The following TBXAS1 variants were observed in gnomAD, a reference collection of about 807,000 sequenced individuals.
TBXAS1 encodes thromboxane-A synthase.
In TBXAS1, 48 loss-of-function variants were observed where a neutral mutation model predicts 60.7. The observed-to-expected ratio is 0.79, with a 90% confidence interval of 0.63 to 1.01. The LOEUF (loss-of-function observed/expected upper bound fraction) is 1.01. TBXAS1 is among the 50% of genes least tolerant of loss of function. The probability of loss-of-function intolerance (pLI) is 0.00; values close to 1 mark genes in which losing one functional copy is unlikely to be tolerated. For missense variants in TBXAS1, 685 were observed against 686.3 expected, an observed-to-expected ratio of 1.00 and a Z score of 0.02; for synonymous variants, 287 against 269.7, an observed-to-expected ratio of 1.06 and a Z score of -0.63.
intron 3 of TBXAS1, among the ~76,000 whole-genome samples, chr7:139,890,543 C>T (rs62490076): frequency 0.025 from 3,829 of 152,256 alleles, 71 homozygotes; most frequent in Non-Finnish European, 0.041. Flanking sequence ...GACCACAGAA[C>T]ATTTTTCCCC....
chr7:139,861,274 C>G (rs765748714), intron 1 of TBXAS1, among the ~76,000 whole-genome samples: 2 of 152,014 alleles, frequency 1.3e-5, no homozygotes, highest in Non-Finnish European at 2.9e-5. Flanking sequence ...CGCTCTGTTG[C>G]CCAGGCTGGA....
intron 3 of TBXAS1, among the ~76,000 whole-genome samples, chr7:139,784,851 A>C (rs774330251): frequency 1.3e-5 from 2 of 151,952 alleles, no homozygotes; most frequent in African/African-American, 4.8e-5. Context: ...TTAATAGGAG[A>C]TAGAGATTGT....
In TBXAS1 at chr7:139,962,070, G is replaced by A. The variant is rs1810406044; in HGVS notation, c.971G>A (p.Arg324Lys). 2 of 1,614,214 alleles carry A rather than the reference G, an allele frequency of 1.2e-6. No individual in the cohort carries two copies. The highest frequency in any genetic ancestry group is 1.6e-4 in the Middle Eastern group (1 of 6,062). Residue 324 changes from arginine to lysine, a missense_variant, in exon 9 of 13, where the codon AGG becomes AAG. Arg to Lys is a conservative substitution (Grantham distance 26, BLOSUM62 2). Transcript: ENST00000448866. ...SRQHQPSPMA[R>K]PLTVDEIVGQ... is the part of the protein sequence containing the mutation. ...CAACACCAGCCCAGCCCTATGGCCA[G>A]GCCTTTGACTGTGGATGAGATTGTG...
chr7:140,001,116 C>G (rs3801147), intron 9 of TBXAS1, among the ~76,000 whole-genome samples: 61,384 of 152,036 alleles, frequency 0.4, 14,798 homozygotes, highest in African/African-American at 0.69. Flanking sequence ...CAAGGGGAGG[C>G]GCTGCAGGGG....
At chr7:140,007,025 A>G in intron 9 of TBXAS1, 66 bp from the exon 10 acceptor site, 1 of 1,453,280 alleles carries the variant, frequency 6.9e-7, no homozygotes, top group Non-Finnish European at 9.7e-7. Flanking sequence ...AATTTAAGGA[A>G]AAGACAAAAT....
chr7:139,822,510 A>G (rs1174870299), intron 4 of TBXAS1, among the ~76,000 whole-genome samples: 1 of 152,138 alleles, frequency 6.6e-6, no homozygotes, highest in South Asian at 2.1e-4. Context: ...ACCTCTACAG[A>G]TCTGGCCATC....
chr7:139,995,385 G>A (rs374070718), intron 9 of TBXAS1, among the ~76,000 whole-genome samples: 12 of 152,138 alleles, frequency 7.9e-5, no homozygotes, highest in East Asian at 5.8e-4. Flanking sequence ...TGCAGGAGGG[G>A]TGTGCGGAGG....
chr7:140,003,078 C>T lies in TBXAS1; in HGVS notation c.1135-4013C>T, dbSNP rs562771058. 3.5e-4 allele frequency among the ~76,000 whole-genome samples: 51 copies of T among 145,826 alleles called. 1 individual carries two copies. In the South Asian group the frequency reaches 9.7e-3, roughly 28 times the overall value. The stretch of plus-strand genomic sequence containing the variant: ...GGCAGAGGTTGCAGTGAGCCGAGAC[C>T]GGGCCATTGTACTCCAGCCTGGGCA... On this transcript the variant is annotated intron_variant, in intron 9 of 12. Coordinates refer to ENST00000448866, the MANE Select transcript of TBXAS1 (RefSeq NM_001061.7).
intron 5 of TBXAS1, among the ~76,000 whole-genome samples, chr7:139,943,522 G>A (rs1584914717): frequency 1.3e-5 from 2 of 152,340 alleles, no homozygotes; most frequent in South Asian, 2.1e-4. Context: ...ATGTCACTCT[G>A]ACTTGCCGCT....
At chr7:139,824,831 T>TTTC (rs778277702), upstream of TBXAS1, among the ~76,000 whole-genome samples, 1,760 of 23,890 alleles carry the variant, frequency 0.074, 111 homozygotes, top group African/African-American at 0.33. Context: ...TTCCTTTTCT[T>TTTC]TTTTTTTTTT....
intron 5 of TBXAS1, among the ~76,000 whole-genome samples, chr7:139,944,288 G>C (rs1808521899): frequency 6.6e-6 from 1 of 152,180 alleles, no homozygotes; most frequent in Admixed American, 6.5e-5. Flanking sequence ...AAGGCATCTG[G>C]ACAGAAAAGT....
At chr7:139,973,889 C>T (rs1183710090) in intron 9 of TBXAS1, among the ~76,000 whole-genome samples, 2 of 152,134 alleles carry the variant, frequency 1.3e-5, no homozygotes, top group African/African-American at 4.8e-5. Flanking sequence ...TTAAACTCCA[C>T]TGGCCTCCCC....
intron 4 of TBXAS1, chr7:139,913,878 A>G (rs925590664): frequency 5.9e-5 from 9 of 152,550 alleles, no homozygotes; most frequent in African/African-American, 1.9e-4. Flanking sequence ...CTGCTCCCCA[A>G]TACAAATCGT....
chr7:139,938,800 AAAAGAAGAAAAGAG>A (rs1429699231), intron 5 of TBXAS1, among the ~76,000 whole-genome samples: 2 of 152,132 alleles, frequency 1.3e-5, no homozygotes, highest in Non-Finnish European at 2.9e-5. Context: ...AGTATCTGAG[AAAAGAAGAAAAGAG>A]AAAGAAGAAA....
intron 3 of TBXAS1, among the ~76,000 whole-genome samples, chr7:139,884,619 G>A (rs1802940091): frequency 6.6e-6 from 1 of 152,156 alleles, no homozygotes; most frequent in African/African-American, 2.4e-5. Context: ...GAGTAAGATG[G>A]TGCTCCCCAT....
intron 3 of TBXAS1, among the ~76,000 whole-genome samples, chr7:139,891,137 T>G (rs1255639144): frequency 2.0e-5 from 3 of 152,096 alleles, no homozygotes; most frequent in African/African-American, 7.2e-5. Flanking sequence ...AGATACCCAG[T>G]GGCCCTCAGC....
intron 1 of TBXAS1, among the ~76,000 whole-genome samples, chr7:139,847,890 T>C (rs1202263320): frequency 6.6e-6 from 1 of 152,196 alleles, no homozygotes; most frequent in African/African-American, 2.4e-5. Context: ...GGTGCAATCA[T>C]AGCTCACTGC....
intron 1 of TBXAS1, among the ~76,000 whole-genome samples, chr7:139,849,601 C>T (rs1036813849): frequency 1.4e-4 from 21 of 152,032 alleles, no homozygotes; most frequent in Admixed American, 4.6e-4. Flanking sequence ...CTAGGAATTT[C>T]TAGCCAAATA....
Position 139,868,676 on chromosome 7 carries a change from A to T in TBXAS1, c.90-3559A>T, listed in dbSNP as rs1209043243. Among the ~76,000 whole-genome samples, 22 of 101,136 alleles carry T rather than the reference A, an allele frequency of 2.2e-4. No individual in the cohort carries two copies. In the South Asian group the frequency reaches 5.1e-3, roughly 23 times the overall value. The allele number at this position is 101,136 out of a possible 152,430, so 66.3% of individuals were successfully genotyped here. A position where few individuals can be genotyped will look rare whatever the true frequency, so the allele number is the denominator to read the frequency against. ...TATTTTTTTTTTTTTTTTTTTTTTG[A>T]GACAGGGTCTTGCTTCATCATCCCA... On this transcript the variant is annotated intron_variant, in intron 1 of 12. Coordinates refer to ENST00000448866, the MANE Select transcript of TBXAS1 (RefSeq NM_001061.7).
Sources: gnomAD v4.1 joint callset for allele counts (sites outside exome capture counted in the v4.1 genomes callset) on GRCh38, gnomAD v4.1.1 for gene constraint, MANE v1.5 for transcripts, NCBI Gene and HGNC (gene_info 2026-07-23, HGNC 2026-07-21) for gene names.